Variants in RBFOX1 observed in about 807,000 individuals in gnomAD.
RBFOX1 encodes the protein RNA binding fox-1 homolog 1.
Under a neutral mutation model 57.7 loss-of-function variants are expected in RBFOX1, and 8 were observed. The ratio of observed to expected loss-of-function variants is 0.14; its 90% CI spans 0.08 to 0.25. The LOEUF (loss-of-function observed/expected upper bound fraction) is 0.25. RBFOX1 is among the 10% of genes least tolerant of loss of function. RBFOX1 has a pLI of 1.00. For synonymous variants in RBFOX1, 326 were observed against 222.4 expected, an observed-to-expected ratio of 1.47 and a Z score of -4.15; for missense variants, 611 against 548.5, an observed-to-expected ratio of 1.11 and a Z score of -1.14.
At chr16:6,818,223 G>C (rs2090525944) in intron 3 of RBFOX1, among the ~76,000 whole-genome samples, 3 of 152,050 alleles carry the variant, frequency 2.0e-5, no homozygotes, top group Admixed American at 2.0e-4. Context: ...CCAACGAAAT[G>C]TTAGCAGACA....
At chr16:5,687,363 C>G (rs2097948643) in intron 3 of RBFOX1, among the ~76,000 whole-genome samples, 1 of 152,018 alleles carries the variant, frequency 6.6e-6, no homozygotes, top group East Asian at 1.9e-4. Flanking sequence ...CCCTCCCCAC[C>G]AATTAGTGGG....
At chr16:5,397,437 A>G (rs2066591020) in intron 1 of RBFOX1, among the ~76,000 whole-genome samples, 2 of 152,236 alleles carry the variant, frequency 1.3e-5, no homozygotes, top group Admixed American at 1.3e-4. Flanking sequence ...AAACCATGAG[A>G]CCATGCCTGC....
chr16:5,705,900 G>A (rs891400600), intron 3 of RBFOX1, among the ~76,000 whole-genome samples: 2 of 152,062 alleles, frequency 1.3e-5, no homozygotes, highest in South Asian at 4.1e-4. Context: ...TGAACTGATC[G>A]TGTTGCTTTT....
chr16:6,158,910 G>GTT (rs35733470), intron 1 of RBFOX1, among the ~76,000 whole-genome samples: 11 of 145,022 alleles, frequency 7.6e-5, no homozygotes, highest in African/African-American at 2.8e-4. Context: ...TCATAGGTTT[G>GTT]TTTTTTTTTT....
intron 11 of RBFOX1, among the ~76,000 whole-genome samples, chr16:7,640,995 T>A (rs781184668): frequency 4.6e-5 from 7 of 151,760 alleles, no homozygotes; most frequent in Non-Finnish European, 8.8e-5. Context: ...GTTCTTGGAA[T>A]GTAAAAGAGG....
chr16:7,354,275 T>C (rs2097176919), intron 4 of RBFOX1, among the ~76,000 whole-genome samples: 2 of 152,174 alleles, frequency 1.3e-5, no homozygotes, highest in African/African-American at 2.4e-5. Flanking sequence ...TTGGCCCGAA[T>C]TGTATATTTT....
At chr16:6,315,509 A>C (rs2080979306) in intron 1 of RBFOX1, among the ~76,000 whole-genome samples, 1 of 150,086 alleles carries the variant, frequency 6.7e-6, no homozygotes, top group Admixed American at 6.7e-5. Context: ...GGATGGATGG[A>C]TGGGTGGATG....
intron 2 of RBFOX1, among the ~76,000 whole-genome samples, chr16:6,324,370 A>G (rs1222846512): frequency 6.6e-6 from 1 of 152,198 alleles, no homozygotes; most frequent in Non-Finnish European, 1.5e-5. Flanking sequence ...TAATTTATAA[A>G]GAAAAGATAT....
intron 1 of RBFOX1, among the ~76,000 whole-genome samples, chr16:5,440,842 G>C (rs915590220): frequency 1.3e-5 from 2 of 152,180 alleles, no homozygotes; most frequent in Non-Finnish European, 2.9e-5. Context: ...TGGTCTTCTA[G>C]ATCAACTCAC....
chr16:5,914,563 A>C (rs1315468573), intron 4 of RBFOX1, among the ~76,000 whole-genome samples: 1 of 152,254 alleles, frequency 6.6e-6, no homozygotes, highest in East Asian at 1.9e-4. Flanking sequence ...TGCCCTTACA[A>C]CATGGCAGCT....
intron 3 of RBFOX1, among the ~76,000 whole-genome samples, chr16:6,658,940 T>TTTTG (rs59700454): frequency 0.091 from 13,138 of 143,772 alleles, 893 homozygotes; most frequent in East Asian, 0.35. Context: ...TTTTTTGTTT[T>TTTTG]TTTTGTTTTT....
At chr16:5,366,464 C>A in intron 1 of RBFOX1, 2 of 439,574 alleles carry the variant, frequency 4.5e-6, no homozygotes, top group South Asian at 1.8e-5. Context: ...TCATCAACAC[C>A]AAGATCAAAA....
chr16:5,564,575 G>A (rs546217527), intron 2 of RBFOX1, among the ~76,000 whole-genome samples: 1 of 152,276 alleles, frequency 6.6e-6, no homozygotes, highest in African/African-American at 2.4e-5. Context: ...TGCTGGGAAT[G>A]GAATGGCTTA....
At chr16:6,124,291 G>A (rs1028128594) in intron 1 of RBFOX1, among the ~76,000 whole-genome samples, 1 of 152,128 alleles carries the variant, frequency 6.6e-6, no homozygotes, top group African/African-American at 2.4e-5. Context: ...TGGGCACCTG[G>A]GCCCTACAGA....
intron 4 of RBFOX1, among the ~76,000 whole-genome samples, chr16:7,072,409 C>G (rs2057509874): frequency 6.6e-6 from 1 of 152,012 alleles, no homozygotes; most frequent in Non-Finnish European, 1.5e-5. Context: ...CTCCTGTCTT[C>G]TTACTCCCTT....
At chr16:6,826,414 C>G (rs948872376) in intron 3 of RBFOX1, among the ~76,000 whole-genome samples, 1 of 152,086 alleles carries the variant, frequency 6.6e-6, no homozygotes. Context: ...CAGAGTTGCT[C>G]GCTGGGATCA....
intron 4 of RBFOX1, among the ~76,000 whole-genome samples, chr16:7,079,226 C>T (rs1234293183): frequency 6.6e-6 from 1 of 152,132 alleles, no homozygotes; most frequent in South Asian, 2.1e-4. Flanking sequence ...TGTTTATTGG[C>T]CAAACCCAGT....
intron 2 of RBFOX1, among the ~76,000 whole-genome samples, chr16:6,637,817 C>T (rs2098457908): frequency 6.6e-6 from 1 of 151,900 alleles, no homozygotes; most frequent in Admixed American, 6.6e-5. Flanking sequence ...GTCTCCAAAT[C>T]TTGGAGGTCC....
chr16:7,306,317 G>A (rs2096184193), intron 4 of RBFOX1, among the ~76,000 whole-genome samples: 1 of 152,134 alleles, frequency 6.6e-6, no homozygotes, highest in South Asian at 2.1e-4. Flanking sequence ...TAAACACAAA[G>A]GTTCTCAGCA....
Sources: gnomAD v4.1 joint callset for allele counts (sites outside exome capture counted in the v4.1 genomes callset) on GRCh38, gnomAD v4.1.1 for gene constraint, MANE v1.5 for transcripts, NCBI Gene and HGNC (gene_info 2026-07-23, HGNC 2026-07-21) for gene names.